Variants in SGCD observed in about 807,000 individuals in gnomAD.
The protein encoded by SGCD is sarcoglycan delta, also known as delta-sarcoglycan.
In SGCD, 18 loss-of-function variants were observed where a neutral mutation model predicts 36.6. The observed-to-expected ratio is 0.49, with a 90% CI of 0.34 to 0.73. The LOEUF (loss-of-function observed/expected upper bound fraction) is 0.73, where lower values mean the gene tolerates loss of function less well. SGCD is among the 30% of genes least tolerant of loss of function. SGCD has a pLI of 0.01. For synonymous variants in SGCD, 133 were observed against 130.6 expected (o/e 1.02, Z -0.12); for missense variants, 387 against 346.7 (o/e 1.12, Z -0.92).
intron 6 of SGCD, among the ~76,000 whole-genome samples, chr5:156,635,671 G>A (rs1762799552): frequency 6.6e-6 from 1 of 152,110 alleles, no homozygotes; most frequent in South Asian, 2.1e-4. Context: ...TTAAGAAAAT[G>A]TGGCACCTAT....
chr5:155,907,636 T>C (rs1692512795), intron 1 of SGCD, among the ~76,000 whole-genome samples: 2 of 152,138 alleles, frequency 1.3e-5, no homozygotes, highest in Admixed American at 1.3e-4. Flanking sequence ...ATGAAAAATG[T>C]AGCCAGAAGA....
chr5:156,673,445 C>T (rs551887125), intron 7 of SGCD, among the ~76,000 whole-genome samples: 6 of 152,282 alleles, frequency 3.9e-5, no homozygotes, highest in South Asian at 4.1e-4. Flanking sequence ...GCATGGTTGT[C>T]GTAATTCACA....
chr5:156,120,472 G>T (rs994610681), intron 2 of SGCD, among the ~76,000 whole-genome samples: 2 of 152,122 alleles, frequency 1.3e-5, no homozygotes, highest in African/African-American at 4.8e-5. Context: ...AAAACTGCTA[G>T]AACAAAGGCT....
At chr5:155,849,439 T>TGC in the SGCD span, among the ~76,000 whole-genome samples, 1 of 143,382 alleles carries the variant, frequency 7.0e-6, no homozygotes, top group African/African-American at 2.4e-5. Flanking sequence ...CACACACATG[T>TGC]GCGCGCGCAC....
At chr5:155,841,972 A>G in the SGCD span, among the ~76,000 whole-genome samples, 1 of 152,134 alleles carries the variant, frequency 6.6e-6, no homozygotes, top group East Asian at 1.9e-4. Flanking sequence ...GGCTAAGTGA[A>G]ATAAGTGAAA....
At chr5:155,931,973 A>G (rs1441907812) in intron 1 of SGCD, among the ~76,000 whole-genome samples, 1 of 152,196 alleles carries the variant, frequency 6.6e-6, no homozygotes, top group Non-Finnish European at 1.5e-5. Flanking sequence ...CACATGGTAG[A>G]AGGTGTGAAG....
rs564300086 is a variant in SGCD at position 156,451,566 on chromosome 5, A to G, written c.193-57035A>G. ...TAAAAGTAGAGATGATAGCCTTGAA[A>G]TTGCTATGGGCACAGAGAAATCTGC... On this transcript the variant is annotated intron_variant, in intron 3 of 8. Transcript: ENST00000337851. Among the ~76,000 whole-genome samples the G allele has an allele frequency of 2.6e-4, 40 of 152,318 alleles. No homozygotes were observed. The South Asian group carries it at 6.8e-3, about 26-fold the overall frequency.
chr5:156,319,546 T>C (rs1767604263), intron 3 of SGCD, among the ~76,000 whole-genome samples: 1 of 152,224 alleles, frequency 6.6e-6, no homozygotes. Flanking sequence ...GAGAAGTAGG[T>C]AACCAGATAA....
At chr5:156,183,901 A>AATC (rs758227254) in intron 3 of SGCD, among the ~76,000 whole-genome samples, 14 of 152,304 alleles carry the variant, frequency 9.2e-5, no homozygotes, top group Non-Finnish European at 1.3e-4. Flanking sequence ...GCAGTAATAT[A>AATC]ATCATGTTAA....
intron 3 of SGCD, among the ~76,000 whole-genome samples, chr5:156,424,726 C>CCATGAGTA (rs1252489975): frequency 6.6e-6 from 1 of 151,984 alleles, no homozygotes; most frequent in African/African-American, 2.4e-5. Context: ...GTACTCATGG[C>CCATGAGTA]CATGACTTTC....
chr5:156,565,168 G>A (rs2113262023), intron 4 of SGCD, among the ~76,000 whole-genome samples: 1 of 152,214 alleles, frequency 6.6e-6, no homozygotes, highest in South Asian at 2.1e-4. Context: ...ATCATCTCAT[G>A]TATAATGTTT....
chr5:155,923,270 A>G (rs935162637), intron 1 of SGCD, among the ~76,000 whole-genome samples: 2 of 152,230 alleles, frequency 1.3e-5, no homozygotes, highest in African/African-American at 4.8e-5. Context: ...CCAAAAAGAC[A>G]TATATTGGGG....
chr5:156,147,856 C>T (rs1561539566), intron 3 of SGCD, among the ~76,000 whole-genome samples: 1 of 152,162 alleles, frequency 6.6e-6, no homozygotes, highest in South Asian at 2.1e-4. Context: ...GGTTAAATGA[C>T]TCATTGAAGC....
intron 1 of SGCD, among the ~76,000 whole-genome samples, chr5:155,904,308 G>T (rs74913103): frequency 6.6e-6 from 1 of 152,112 alleles, no homozygotes; most frequent in African/African-American, 2.4e-5. Flanking sequence ...ACTGCAATGC[G>T]TAATAGGCTT....
intron 3 of SGCD, among the ~76,000 whole-genome samples, chr5:156,347,162 A>C (rs1398019663): frequency 1.3e-5 from 2 of 152,096 alleles, no homozygotes; most frequent in African/African-American, 4.8e-5. Context: ...AGCAAGATAT[A>C]ATCAGATTTA....
the SGCD span, among the ~76,000 whole-genome samples, chr5:155,733,739 G>A: frequency 2.6e-5 from 4 of 151,906 alleles, no homozygotes; most frequent in Non-Finnish European, 4.4e-5. Context: ...GTTGGGCCCC[G>A]AGTGCAGACA....
chr5:156,725,144 C>T (rs1755707531), intron 7 of SGCD, among the ~76,000 whole-genome samples: 1 of 152,072 alleles, frequency 6.6e-6, no homozygotes. Context: ...GTTTGGGTGT[C>T]TAAGATGAAA....
intron 1 of SGCD, among the ~76,000 whole-genome samples, chr5:156,063,559 C>T (rs1170387521): frequency 1.7e-5 from 2 of 115,916 alleles, no homozygotes; most frequent in East Asian, 2.1e-4. Context: ...ATTCTTCCTA[C>T]CCATGAGCAT....
intron 1 of SGCD, among the ~76,000 whole-genome samples, chr5:155,985,239 G>A (rs528319463): frequency 6.6e-6 from 1 of 152,166 alleles, no homozygotes; most frequent in Non-Finnish European, 1.5e-5. Context: ...TCAAAATCAA[G>A]GTGCTGGCAG....
Sources: allele counts gnomAD v4.1 joint callset (sites outside exome capture counted in the v4.1 genomes callset), GRCh38; gene constraint gnomAD v4.1.1; transcripts MANE v1.5; gene names NCBI Gene and HGNC (gene_info 2026-07-23, HGNC 2026-07-21).